Variants in TPM1 observed in about 807,000 individuals in gnomAD.
TPM1 encodes the protein tropomyosin alpha-1 chain.
TPM1 carries 24 observed loss-of-function variants against 42.9 expected under a neutral mutation model. The ratio of observed to expected loss-of-function variants is 0.56; its 90% CI spans 0.41 to 0.79. The LOEUF is 0.79. Ranked by LOEUF, TPM1 falls within the 30% of genes least tolerant of loss-of-function variation. The pLI, the probability that TPM1 is intolerant of heterozygous loss-of-function variation, is 0.00. For missense variants in TPM1, 158 were observed against 351.8 expected (o/e 0.45, Z 4.41); for synonymous variants, 136 against 130.1 (o/e 1.05, Z -0.31).
downstream of TPM1, chr15:63,069,913 T>G: frequency 6.2e-7 from 1 of 1,614,152 alleles, no homozygotes; most frequent in Non-Finnish European, 8.5e-7. Context: ...GCCTCACTAA[T>G]GAACTAAAGC....
At chr15:63,048,656 C>T (rs1409667164) in intron 2 of TPM1, 1 of 1,539,388 alleles carries the variant, frequency 6.5e-7, no homozygotes, top group Non-Finnish European at 8.7e-7. Context: ...CTGAGGAGCG[C>T]GCGGGCACCC....
chr15:63,059,990 A>T (rs1221218279), intron 4 of TPM1: 1 of 348,320 alleles, frequency 2.9e-6, no homozygotes, highest in Non-Finnish European at 5.7e-6. Flanking sequence ...GTGTCTTGTG[A>T]AAGGAGGCTC....
At chr15:63,043,048 C>G in intron 1 of TPM1, 105 bp downstream of exon 1, 1 of 980,976 alleles carries the variant, frequency 1.0e-6, no homozygotes, top group South Asian at 1.4e-5. Context: ...CACCACCCTA[C>G]CCCCACCACC....
intron 5 of TPM1, 152 bp downstream of exon 5, chr15:63,061,091 G>C: frequency 6.9e-7 from 1 of 1,446,532 alleles, no homozygotes. Context: ...ATGGAACATG[G>C]AGGACTCGTG....
intron 2 of TPM1, chr15:63,048,080 C>T (rs1012110025): frequency 1.1e-5 from 4 of 368,866 alleles, no homozygotes; most frequent in Admixed American, 3.4e-5. Flanking sequence ...CGCCGCTCAG[C>T]TTCTCTGGCT....
intron 3 of TPM1, among the ~76,000 whole-genome samples, chr15:63,059,304 A>G (rs921898850): frequency 1.3e-5 from 2 of 152,226 alleles, no homozygotes; most frequent in African/African-American, 4.8e-5. Context: ...ACCTTTCGTC[A>G]TCATTAATGT....
At chr15:63,048,245 C>T (rs1301288819) in intron 2 of TPM1, 1 of 495,604 alleles carries the variant, frequency 2.0e-6, no homozygotes, top group South Asian at 1.5e-5. Context: ...AGTGGCCTCC[C>T]GGAGCGCCCA....
At chr15:63,059,718 C>A in intron 4 of TPM1, 38 bp downstream of exon 4, 1 of 1,429,720 alleles carries the variant, frequency 7.0e-7, no homozygotes. Context: ...GGACACCCAG[C>A]AGTGGCCTTC....
chr15:63,070,343 A>C (rs1413079293), downstream of TPM1: 7 of 980,548 alleles, frequency 7.1e-6, no homozygotes, highest in Admixed American at 4.1e-4. Flanking sequence ...TTCCTATCAG[A>C]TACTCATATT....
chr15:63,050,816 G>A (rs961678222), intron 2 of TPM1, among the ~76,000 whole-genome samples: 9 of 152,188 alleles, frequency 5.9e-5, no homozygotes, highest in African/African-American at 2.2e-4. Context: ...ATGTAGCTTG[G>A]GCTGTGAGTT....
At chr15:63,070,079 G>A (rs2036521379), downstream of TPM1, 4 of 1,539,202 alleles carry the variant, frequency 2.6e-6, no homozygotes, top group South Asian at 4.7e-5. Flanking sequence ...GGAATTGGCT[G>A]AAAGGCTGGC....
chr15:63,046,431 G>C (rs143571912), intron 2 of TPM1: 59 of 152,292 alleles, frequency 3.9e-4, no homozygotes, highest in African/African-American at 1.4e-3. Context: ...TTTGGGATTA[G>C]GACATTTCAT....
intron 1 of TPM1, 33 bp from the exon 2 acceptor site, chr15:63,043,994 C>G (rs773013037): frequency 1.9e-6 from 3 of 1,607,954 alleles, no homozygotes. Context: ...GCTGCACCCC[C>G]CTCCCTCCCT....
chr15:63,048,102 G>C, intron 2 of TPM1: 1 of 407,334 alleles, frequency 2.5e-6, no homozygotes. Context: ...CCGGGCATGG[G>C]AATCTGGACT....
At chr15:63,057,282 A>G (rs1021418993) in intron 3 of TPM1, among the ~76,000 whole-genome samples, 164 bp downstream of exon 3, 2 of 152,174 alleles carry the variant, frequency 1.3e-5, no homozygotes, top group East Asian at 1.9e-4. Flanking sequence ...TTCATTTAGC[A>G]TTAGTGAAAC....
At chr15:63,061,539 G>A in intron 5 of TPM1, 174 bp from the exon 6 acceptor site, 3 of 750,464 alleles carry the variant, frequency 4.0e-6, no homozygotes, top group East Asian at 2.6e-5. Context: ...TTGCGAGGTT[G>A]GGGGGCAGTG....
chr15:63,064,886 G>GA (rs2036103010), intron 9 of TPM1: 1 of 655,042 alleles, frequency 1.5e-6, no homozygotes, highest in Non-Finnish European at 1.9e-6. Flanking sequence ...AGAATGGCAT[G>GA]AACCCGGGAG....
intron 2 of TPM1, among the ~76,000 whole-genome samples, chr15:63,055,027 T>TAAA (rs5813193): frequency 0.012 from 1,755 of 147,998 alleles, 17 homozygotes; most frequent in South Asian, 0.024. Context: ...GTAATAGTAA[T>TAAA]AAAAAAAAAA....
At chr15:63,070,204 CCT>C, downstream of TPM1, 1 of 1,258,960 alleles carries the variant, frequency 7.9e-7, no homozygotes, top group Non-Finnish European at 1.0e-6. Context: ...AATAGCAGGT[CCT>C]CTTGTTTGAA....
Sources: gnomAD v4.1 joint callset for allele counts (sites outside exome capture counted in the v4.1 genomes callset) on GRCh38, gnomAD v4.1.1 for gene constraint, MANE v1.5 for transcripts, NCBI Gene and HGNC (gene_info 2026-07-23, HGNC 2026-07-21) for gene names.